The following C14orf93 variants were observed in gnomAD, a reference collection of about 807,000 sequenced individuals.
The protein encoded by C14orf93 is chromosome 14 open reading frame 93, also known as uncharacterized protein C14orf93.
A neutral mutation model predicts 44.0 loss-of-function variants in C14orf93; 23 were observed. The ratio of observed to expected loss-of-function variants is 0.52; its 90% CI spans 0.38 to 0.74. C14orf93 has a LOEUF of 0.74. Among genes scored for constraint, C14orf93 ranks in the 30% least tolerant of loss-of-function variants. The pLI, the probability that C14orf93 is intolerant of heterozygous loss-of-function variation, is 0.00. For missense variants in C14orf93, 579 were observed against 678.9 expected (o/e 0.85, Z 1.64); for synonymous variants, 253 against 265.7 (o/e 0.95, Z 0.46).
chr14:22,988,077 G>A (rs976271397), intron 5 of C14orf93, 62 bp from the exon 6 acceptor site: 12 of 1,159,708 alleles, frequency 1.0e-5, no homozygotes, highest in African/African-American at 7.7e-5. Context: ...TCCCCAGCCC[G>A]TTTTTCTGCC....
At chr14:22,989,695 G>T (rs751125303) in intron 5 of C14orf93, 47 bp downstream of exon 5, 2 of 1,249,980 alleles carry the variant, frequency 1.6e-6, no homozygotes, top group Non-Finnish European at 2.4e-6. Flanking sequence ...GGAGTGGGAG[G>T]AGAGGGGGAG....
chr14:22,987,397 T>G lies in C14orf93; in HGVS notation c.1435A>C (p.Arg479=). ...ANRVYGPPSD[R]LPSAEAQLLP... ...AGCTGGGCTTCAGCAGAAGGCAGTC[T>G]GTCTGAGGGAGGCCCATACACACGG... Residue 479 remains arginine, a synonymous_variant, in exon 7 of 7, where the codon AGA becomes CGA. Transcript: ENST00000299088. This position sits in a 1 kb window ranked among gnomAD's most constrained non-coding sequence, Gnocchi z 5.6. 4 of 1,614,246 alleles carry G rather than the reference T, an allele frequency of 2.5e-6. No individual in the cohort carries two copies. The highest frequency in any genetic ancestry group is 3.4e-6 in the Non-Finnish European group (4 of 1,180,038).
At chr14:23,006,131 C>G (rs933716831) in intron 1 of C14orf93, 2 of 152,124 alleles carry the variant, frequency 1.3e-5, no homozygotes, top group African/African-American at 4.8e-5. Flanking sequence ...CAATTCATAT[C>G]ATAATCTTCA....
Position 22,999,168 on chromosome 14 carries a change from G to C in C14orf93, c.-145C>G. On this transcript the variant is annotated 5_prime_UTR_variant, in exon 2 of 7. Coordinates refer to ENST00000299088, the MANE Select transcript of C14orf93 (RefSeq NM_021944.4). Reference sequence around the variant, plus strand: ...CCAAGCTGTAGGGTCTGTGAAAGAAGAGTAAACAAGCCATGAAGAAGCACA... The same window carrying C: ...CCAAGCTGTAGGGTCTGTGAAAGAACAGTAAACAAGCCATGAAGAAGCACA... The C allele has an allele frequency of 1.5e-6, 2 of 1,300,896 alleles. No individual in the cohort carries two copies. The highest frequency in any genetic ancestry group is 2.1e-6 in the Non-Finnish European group (2 of 973,234). The allele number at this position is 1,300,896 out of a possible 1,614,324, so 80.6% of individuals were successfully genotyped here. A position where few individuals can be genotyped will look rare whatever the true frequency, so the allele number is the denominator to read the frequency against.
intron 4 of C14orf93, 88 bp downstream of exon 4, chr14:22,989,978 A>T: frequency 7.0e-7 from 1 of 1,422,038 alleles, no homozygotes; most frequent in Non-Finnish European, 9.9e-7. Context: ...TCAAAGCCTT[A>T]GTCTCATTGC....
intron 1 of C14orf93, chr14:23,005,005 G>GT (rs1434913139): frequency 3.9e-5 from 6 of 152,090 alleles, no homozygotes; most frequent in African/African-American, 1.4e-4. Context: ...TTTCTGAGGC[G>GT]TTAGTTCAAA....
chr14:23,002,665 T>C (rs959457768), intron 1 of C14orf93: 1 of 152,198 alleles, frequency 6.6e-6, no homozygotes, highest in African/African-American at 2.4e-5. Context: ...GATGATATTA[T>C]GGTTATTCCT....
At chr14:22,992,198 G>A (rs2045681627) in intron 3 of C14orf93, among the ~76,000 whole-genome samples, 1 of 152,110 alleles carries the variant, frequency 6.6e-6, no homozygotes, top group East Asian at 1.9e-4. Flanking sequence ...GGGCGTGGTG[G>A]CTCATGCCTG....
chr14:22,993,566 A>C (rs1255719975), intron 3 of C14orf93, among the ~76,000 whole-genome samples: 1 of 152,248 alleles, frequency 6.6e-6, no homozygotes, highest in East Asian at 1.9e-4. Flanking sequence ...AAACAAAAAA[A>C]GGGGAAAGAA....
At position 22,987,904 on chromosome 14, in the gene C14orf93, C is replaced by T. The variant is rs769714470; in HGVS notation, c.1196G>A (p.Arg399Gln). ...TGAAAGAAAGGCCTAGAAACCTACCCGATATCGGCGACTTCGAAGTTTCTT... is the reference window on the plus strand; with the variant it reads ...TGAAAGAAAGGCCTAGAAACCTACCTGATATCGGCGACTTCGAAGTTTCTT... Reference protein sequence around the residue: ...EEKKLRSRRYRLFANRSSIMR... With the variant: ...EEKKLRSRRYQLFANRSSIMR... The change falls in exon 6 of 7, where the codon CGG becomes CAG. Residue 399 changes from arginine (R) to glutamine (Q), a missense_variant and splice_region_variant. By Grantham distance (43) the Arg-to-Gln change is conservative. Coordinates refer to ENST00000299088, the MANE Select transcript of C14orf93 (RefSeq NM_021944.4). This position sits in a 1 kb window ranked among gnomAD's most constrained non-coding sequence, Gnocchi z 5.6. 14 of 1,610,346 alleles carry T rather than the reference C, an allele frequency of 8.7e-6. No individual in the cohort carries two copies. The highest frequency in any genetic ancestry group is 2.2e-5 in the East Asian group (1 of 44,884).
At chr14:22,993,559 CAAAA>C in intron 3 of C14orf93, among the ~76,000 whole-genome samples, 1 of 151,564 alleles carries the variant, frequency 6.6e-6, no homozygotes, top group Non-Finnish European at 1.5e-5. Context: ...AAACAAAAAA[CAAAA>C]AAAGGGGAAA....
At position 22,998,588 on chromosome 14, in the gene C14orf93, C is replaced by T. The variant is rs3751495; in HGVS notation, c.436G>A (p.Asp146Asn). 19 of 1,614,096 alleles carry T rather than the reference C, an allele frequency of 1.2e-5. No individual in the cohort carries two copies. The East Asian group carries it at 3.8e-4, about 32-fold the overall frequency. ...ACCTGCACGCCGCTGCCCACGCTGTCACACTCCTCTTCCACGGCAGACAGA... is the reference window on the plus strand; with the variant it reads ...ACCTGCACGCCGCTGCCCACGCTGTTACACTCCTCTTCCACGGCAGACAGA... ...KALSAVEEEC[D>N]SVGSGVQVVI... Residue 146 changes from aspartate (D) to asparagine (N), a missense_variant, in exon 2 of 7, where the codon GAC (aspartate) becomes AAC (asparagine). By Grantham distance (23) the Asp-to-Asn change is conservative (BLOSUM62 1). Transcript: ENST00000299088.
In C14orf93 at chr14:23,001,497, C is replaced by T. The variant is rs532752882; in HGVS notation, c.-379-2095G>A. On this transcript the variant is annotated intron_variant, in intron 1 of 6. Coordinates refer to ENST00000299088, the MANE Select transcript of C14orf93 (RefSeq NM_021944.4). ...ATCATTTTTTTGAGACGGAGTCTCG[C>T]TCTGTTGCCCAGGCCAGAGTGCAAT... 2.4e-3 allele frequency among the ~76,000 whole-genome samples: 366 copies of T among 152,306 alleles called. 1 individual carries two copies. The highest frequency in any genetic ancestry group is 8.4e-3 in the African/African-American group (348 of 41,564).
In C14orf93 at chr14:22,998,491, T is replaced by A. The variant is rs137867108; in HGVS notation, c.533A>T (p.Gln178Leu). Residue 178 changes from glutamine to leucine, a missense_variant, in exon 2 of 7, where the codon CAG (glutamine) becomes CTG (leucine). By Grantham distance (113) the Gln-to-Leu change is moderately radical (BLOSUM62 -2). Transcript: ENST00000299088. ...GCACCCTGGGAGCCGCATGTCCCTC[T>A]GAGTTGCTGGGAAGCCCAAAGGCCC... ...GPGPLGFPAT[Q>L]RDMRLPGCTL... is the part of the protein sequence containing the mutation. 1.6e-3 allele frequency: 2,582 copies of A among 1,610,512 alleles called. 11 individuals are homozygous for A. Among genetic ancestry groups the A allele is most frequent in the Non-Finnish European group, 8.9e-4 (1,047 of 1,178,892 alleles).
At chr14:22,988,618 C>T (rs1269807499) in intron 5 of C14orf93, among the ~76,000 whole-genome samples, 2 of 152,202 alleles carry the variant, frequency 1.3e-5, no homozygotes, top group Non-Finnish European at 2.9e-5. Context: ...ATCGTCCAGC[C>T]TCAGCCTCCT....
Position 23,004,498 on chromosome 14 carries a change from T to A in C14orf93, c.-379-5096A>T, listed in dbSNP as rs1348377313. Among the ~76,000 whole-genome samples, 4 of 152,190 alleles carry A rather than the reference T, an allele frequency of 2.6e-5. No individual in the cohort carries two copies. The East Asian group carries it at 5.8e-4, about 22-fold the overall frequency. ...ATGTAAGTCCATGTTAAAGGATGACTCACCAAAATGCATTGCACACTACTC... is the reference window on the plus strand; with the variant it reads ...ATGTAAGTCCATGTTAAAGGATGACACACCAAAATGCATTGCACACTACTC... On this transcript the variant is annotated intron_variant, in intron 1 of 6. Coordinates refer to ENST00000299088, the MANE Select transcript of C14orf93 (RefSeq NM_021944.4).
rs754753731 is a variant in C14orf93, at chr14:22,987,489, C to T, written c.1343G>A (p.Arg448Gln). 1.8e-5 allele frequency: 29 copies of T among 1,614,080 alleles called. No homozygotes were observed. Among genetic ancestry groups the T allele is most frequent in the Admixed American group, 1.5e-4 (9 of 59,996 alleles). ...GVWVARPPRF[R>Q]AQRLTELCYH... ...GCAGAGCTCTGTGAGGCGCTGGGCC[C>T]GGAAACGGGGAGGGCGGGCCACCCA... The change falls in exon 7 of 7, where the codon CGG becomes CAG. Residue 448 changes from arginine to glutamine, a missense_variant. Arg to Gln is a conservative substitution (Grantham distance 43). Coordinates refer to ENST00000299088, the MANE Select transcript of C14orf93 (RefSeq NM_021944.4). The surrounding 1 kb of genome is among the most constrained non-coding windows in gnomAD (Gnocchi z 5.6).
chr14:22,988,131 G>A (rs1033229028), intron 5 of C14orf93, 116 bp from the exon 6 acceptor site: 5 of 610,562 alleles, frequency 8.2e-6, no homozygotes, highest in Non-Finnish European at 1.4e-5. Flanking sequence ...ACTTAGATGA[G>A]GGCTTTTTTT....
rs1449739063 is a variant in C14orf93 at position 22,987,513 on chromosome 14, C to T, written c.1319G>A (p.Trp440Ter). 6.2e-7 allele frequency: 1 copy of T among 1,614,108 alleles called. No individual in the cohort carries two copies. Among genetic ancestry groups the T allele is most frequent in the African/African-American group, 1.3e-5 (1 of 74,926 alleles). Reference protein sequence around the residue: ...EEDSLNEPGVWVARPPRFRAQ... With the variant: ...EEDSLNEPGV ...CCGGAAACGGGGAGGGCGGGCCACC[C>T]ACACACCTGGCTCGTTAAGACTGTC... Residue 440 changes from tryptophan (W) to a stop codon, truncating the protein, a stop_gained, in exon 7 of 7, where the codon TGG becomes TAG. Transcript: ENST00000299088. LOFTEE classifies it high-confidence loss of function. This position sits in a 1 kb window ranked among gnomAD's most constrained non-coding sequence, Gnocchi z 5.6.
Sources: allele counts gnomAD v4.1 joint callset (sites outside exome capture counted in the v4.1 genomes callset), GRCh38; gene constraint gnomAD v4.1.1; non-coding constraint Gnocchi (gnomAD v3.1); transcripts MANE v1.5; gene names NCBI Gene and HGNC (gene_info 2026-07-23, HGNC 2026-07-21).